MARCHF1: variants seen among roughly 807,000 people sequenced by gnomAD.
The protein encoded by MARCHF1 is E3 ubiquitin-protein ligase MARCHF1.
In MARCHF1, 40 loss-of-function variants were observed where a neutral mutation model predicts 54.2. The ratio of observed to expected loss-of-function variants is 0.74; its 90% CI spans 0.57 to 0.96. The LOEUF (loss-of-function observed/expected upper bound fraction) is 0.96. Ranked by LOEUF, MARCHF1 falls within the 40% of genes least tolerant of loss-of-function variation. The probability of loss-of-function intolerance (pLI) is 0.00; values close to 1 mark genes in which losing one functional copy is unlikely to be tolerated. For synonymous variants in MARCHF1, 236 were observed against 236.3 expected (o/e 1.00, Z 0.01); for missense variants, 586 against 656.5 (o/e 0.89, Z 1.17).
chr4:164,301,210 A>G (rs1560993546), intron 1 of MARCHF1, among the ~76,000 whole-genome samples: 2 of 152,234 alleles, frequency 1.3e-5, no homozygotes, highest in Admixed American at 6.5e-5. Flanking sequence ...AAGAAAATGC[A>G]TTAGAGATTG....
At chr4:164,297,476 G>C (rs1454302308) in intron 1 of MARCHF1, among the ~76,000 whole-genome samples, 1 of 152,104 alleles carries the variant, frequency 6.6e-6, no homozygotes, top group Non-Finnish European at 1.5e-5. Flanking sequence ...AACCCAAAAT[G>C]GGAGACATGC....
At chr4:164,139,349 T>C (rs1029526398) in intron 1 of MARCHF1, among the ~76,000 whole-genome samples, 4 of 152,216 alleles carry the variant, frequency 2.6e-5, no homozygotes, top group Non-Finnish European at 4.4e-5. Context: ...TAAAAGGTTT[T>C]GAAAATCTCA....
At chr4:163,932,119 GAA>G (rs35426193) in intron 3 of MARCHF1, among the ~76,000 whole-genome samples, 9 of 149,752 alleles carry the variant, frequency 6.0e-5, no homozygotes, top group Middle Eastern at 3.5e-3. Flanking sequence ...TTGCTAAAAA[GAA>G]AAAAAAAAAG....
chr4:163,665,206 C>G (rs1442059702), intron 5 of MARCHF1, among the ~76,000 whole-genome samples: 1 of 152,066 alleles, frequency 6.6e-6, no homozygotes, highest in Non-Finnish European at 1.5e-5. Context: ...ATTCCCATGT[C>G]ACTCTTGATG....
chr4:163,733,258 T>TACACGTGTATATATACAC (rs1554008882), intron 4 of MARCHF1, among the ~76,000 whole-genome samples: 1 of 45,062 alleles, frequency 2.2e-5, no homozygotes, highest in Non-Finnish European at 5.3e-5. Context: ...TATATATATA[T>TACACGTGTATATATACAC]ACACACACAC....
At chr4:163,756,473 A>T (rs2110803858) in intron 4 of MARCHF1, among the ~76,000 whole-genome samples, 1 of 151,796 alleles carries the variant, frequency 6.6e-6, no homozygotes, top group African/African-American at 2.4e-5. Flanking sequence ...TTAAAAAAAA[A>T]ATACAAATTA....
At chr4:163,549,082 G>GATCC (rs1376400728) in intron 8 of MARCHF1, among the ~76,000 whole-genome samples, 1 of 152,174 alleles carries the variant, frequency 6.6e-6, no homozygotes, top group African/African-American at 2.4e-5. Flanking sequence ...TTCCTGAGAA[G>GATCC]ATCCTCTTCA....
chr4:163,853,993 A>C (rs1266351895), intron 4 of MARCHF1, 28 bp downstream of exon 4: 1 of 1,534,076 alleles, frequency 6.5e-7, no homozygotes, highest in Non-Finnish European at 8.7e-7. Context: ...ATATAAGCCA[A>C]TTTGAGGTAA....
At chr4:163,842,845 C>T (rs1365360809) in intron 4 of MARCHF1, among the ~76,000 whole-genome samples, 1 of 152,086 alleles carries the variant, frequency 6.6e-6, no homozygotes, top group African/African-American at 2.4e-5. Flanking sequence ...CCATTGTTTT[C>T]TGTTTTTTAT....
At chr4:163,530,918 GATC>G (rs1176547564) in intron 9 of MARCHF1, among the ~76,000 whole-genome samples, 1 of 151,798 alleles carries the variant, frequency 6.6e-6, no homozygotes, top group Non-Finnish European at 1.5e-5. Flanking sequence ...AGAAATAAGA[GATC>G]ATTACAGTGG....
intron 1 of MARCHF1, among the ~76,000 whole-genome samples, chr4:164,296,862 G>C (rs965721655): frequency 6.6e-6 from 1 of 152,116 alleles, no homozygotes; most frequent in African/African-American, 2.4e-5. Context: ...CCAGGAAAAA[G>C]AGTATGTGAA....
intron 3 of MARCHF1, among the ~76,000 whole-genome samples, chr4:163,957,330 A>G (rs1449828151): frequency 6.6e-6 from 1 of 152,068 alleles, no homozygotes. Context: ...AAAGTTTCTT[A>G]TGGTTAAGTC....
intron 1 of MARCHF1, among the ~76,000 whole-genome samples, chr4:164,179,611 A>C (rs1346331631): frequency 6.6e-6 from 1 of 152,082 alleles, no homozygotes; most frequent in African/African-American, 2.4e-5. Context: ...ATACATACAC[A>C]CACATACATA....
At chr4:163,940,422 A>G (rs1188253038) in intron 3 of MARCHF1, among the ~76,000 whole-genome samples, 3 of 152,128 alleles carry the variant, frequency 2.0e-5, no homozygotes, top group South Asian at 4.1e-4. Flanking sequence ...TGCCAAAAAG[A>G]GGCAGAAGAT....
At chr4:163,605,208 T>G (rs181382211) in intron 7 of MARCHF1, among the ~76,000 whole-genome samples, 25 of 152,038 alleles carry the variant, frequency 1.6e-4, no homozygotes, top group African/African-American at 5.3e-4. Flanking sequence ...TTAAGCAAAT[T>G]TACAAGAAAA....
chr4:163,785,111 A>G (rs1224431972), intron 4 of MARCHF1, among the ~76,000 whole-genome samples: 1 of 152,134 alleles, frequency 6.6e-6, no homozygotes, highest in Non-Finnish European at 1.5e-5. Context: ...TAAATAATAT[A>G]CACTAAAATA....
At position 164,176,035 on chromosome 4, in the gene MARCHF1, G is replaced by T. The variant is rs144359418; in HGVS notation, c.-322-64373C>A. Reference sequence around the variant, plus strand: ...CAACCTACATTTGCTGGAATATGGGGATAAAAATGATTTTAAATATCAATC... The same window carrying T: ...CAACCTACATTTGCTGGAATATGGGTATAAAAATGATTTTAAATATCAATC... On this transcript the variant is annotated intron_variant, in intron 1 of 9. Transcript: ENST00000514618. Among the ~76,000 whole-genome samples the T allele has an allele frequency of 3.7e-3, 570 of 152,158 alleles. 5 individuals are homozygous for T. The highest frequency in any genetic ancestry group is 0.013 in the African/African-American group (523 of 41,494).
In MARCHF1 at chr4:163,653,128, A is replaced by G. The variant is rs1368224817; in HGVS notation, c.163-39735T>C. On this transcript the variant is annotated intron_variant, in intron 5 of 9. Transcript: ENST00000514618. ...TAGAGTGGTTAACGGAGGCCTCTCT[A>G]AAGAGGCAACTGAAGTCAGGGAGTG... Among the ~76,000 whole-genome samples, 3 of 151,826 alleles carry G rather than the reference A, an allele frequency of 2.0e-5. No homozygotes were observed. The East Asian group carries it at 5.8e-4, about 29-fold the overall frequency.
intron 2 of MARCHF1, among the ~76,000 whole-genome samples, chr4:164,065,767 C>T (rs1173126600): frequency 6.6e-6 from 1 of 152,102 alleles, no homozygotes; most frequent in Admixed American, 6.5e-5. Flanking sequence ...GCTTGAGAGC[C>T]CCAGGCAAAC....
Sources: gnomAD v4.1 joint callset for allele counts (sites outside exome capture counted in the v4.1 genomes callset) on GRCh38, gnomAD v4.1.1 for gene constraint, MANE v1.5 for transcripts, NCBI Gene and HGNC (gene_info 2026-07-23, HGNC 2026-07-21) for gene names.